The following COL24A1 variants were observed in gnomAD, a reference collection of about 807,000 sequenced individuals.
COL24A1 encodes collagen type XXIV alpha 1 chain.
COL24A1 carries 224 observed loss-of-function variants against 253.9 expected under a neutral mutation model. The ratio of observed to expected loss-of-function variants is 0.88; its 90% CI spans 0.79 to 0.99. COL24A1 has a LOEUF of 0.99. COL24A1 is among the 50% of genes least tolerant of loss of function. COL24A1 has a pLI of 0.00. For missense variants in COL24A1, 2,131 were observed against 2,068.5 expected (o/e 1.03, Z -0.59); for synonymous variants, 685 against 673.7 (o/e 1.02, Z -0.26).
chr1:85,835,985 T>C (rs529409322), intron 43 of COL24A1, among the ~76,000 whole-genome samples: 1 of 152,312 alleles, frequency 6.6e-6, no homozygotes, highest in African/African-American at 2.4e-5. Flanking sequence ...TGTCTCCCTA[T>C]ACCTGGAGGA....
intron 1 of COL24A1, among the ~76,000 whole-genome samples, chr1:86,146,939 TACCTCCAAAATG>T (rs1480185048): frequency 6.6e-6 from 1 of 152,132 alleles, no homozygotes; most frequent in Admixed American, 6.5e-5. Flanking sequence ...TGGCTGTATC[TACCTCCAAAATG>T]AAAATTACAG....
chr1:85,887,103 G>GA (rs2102715614), intron 32 of COL24A1, among the ~76,000 whole-genome samples: 1 of 152,262 alleles, frequency 6.6e-6, no homozygotes, highest in Admixed American at 6.5e-5. Context: ...AGAGTAGCTA[G>GA]AAAATAATAT....
intron 55 of COL24A1, among the ~76,000 whole-genome samples, chr1:85,756,104 C>T (rs1252696352): frequency 7.3e-6 from 1 of 136,458 alleles, no homozygotes; most frequent in Non-Finnish European, 1.6e-5. Flanking sequence ...AAAAAATGGG[C>T]AAATAACTTG....
At chr1:86,083,360 T>C (rs1702817373) in intron 7 of COL24A1, among the ~76,000 whole-genome samples, 1 of 151,442 alleles carries the variant, frequency 6.6e-6, no homozygotes, top group African/African-American at 2.4e-5. Flanking sequence ...ATATCATATA[T>C]ATAGTTGATA....
intron 55 of COL24A1, among the ~76,000 whole-genome samples, chr1:85,757,596 A>C (rs1276115141): frequency 1.3e-5 from 2 of 152,160 alleles, no homozygotes; most frequent in African/African-American, 4.8e-5. Flanking sequence ...AGGTATTAGA[A>C]AGAAAAGAAA....
chr1:85,807,285 C>T (rs1172210454), intron 47 of COL24A1, among the ~76,000 whole-genome samples: 7 of 152,140 alleles, frequency 4.6e-5, no homozygotes, highest in South Asian at 2.1e-4. Flanking sequence ...TTATTGCAAT[C>T]GAATCAGCTA....
intron 37 of COL24A1, among the ~76,000 whole-genome samples, chr1:85,862,104 T>C (rs931973389): frequency 1.3e-5 from 2 of 152,208 alleles, no homozygotes; most frequent in African/African-American, 2.4e-5. Context: ...TTTCTACCCA[T>C]AATCAGTTAT....
At chr1:86,015,754 T>C (rs1696929428) in intron 19 of COL24A1, among the ~76,000 whole-genome samples, 1 of 152,198 alleles carries the variant, frequency 6.6e-6, no homozygotes. Flanking sequence ...CTTATACTAA[T>C]CTGAAGTTTT....
At chr1:85,907,657 C>T (rs1684969247) in intron 27 of COL24A1, among the ~76,000 whole-genome samples, 1 of 151,730 alleles carries the variant, frequency 6.6e-6, no homozygotes, top group Non-Finnish European at 1.5e-5. Flanking sequence ...TATGCCAATC[C>T]CATCACATAA....
intron 24 of COL24A1, among the ~76,000 whole-genome samples, chr1:85,930,117 A>G (rs1254804348): frequency 7.7e-4 from 55 of 71,668 alleles, no homozygotes; most frequent in African/African-American, 2.9e-3. Flanking sequence ...GACACAAAAA[A>G]CCCTTCAAAA....
chr1:86,112,926 G>C (rs1023436037), intron 4 of COL24A1, among the ~76,000 whole-genome samples: 1 of 152,006 alleles, frequency 6.6e-6, no homozygotes, highest in African/African-American at 2.4e-5. Flanking sequence ...TATTGCCTCA[G>C]GACATTTCTT....
intron 47 of COL24A1, among the ~76,000 whole-genome samples, chr1:85,804,504 G>T (rs1671759197): frequency 6.6e-6 from 1 of 152,128 alleles, no homozygotes; most frequent in African/African-American, 2.4e-5. Context: ...CTGAGACTGG[G>T]CAATTTACAA....
chr1:85,775,756 G>A (rs368488549), intron 52 of COL24A1, 47 bp from the exon 53 acceptor site: 132 of 1,478,812 alleles, frequency 8.9e-5, no homozygotes, highest in Middle Eastern at 1.8e-4. Flanking sequence ...TGATAGTTAC[G>A]TATTAAATGT....
At chr1:86,035,318 G>A (rs1420340746) in intron 12 of COL24A1, among the ~76,000 whole-genome samples, 2 of 152,124 alleles carry the variant, frequency 1.3e-5, no homozygotes, top group Non-Finnish European at 2.9e-5. Flanking sequence ...TTCAGTATGA[G>A]CTAACATGGA....
chr1:86,118,771 G>C (rs1330565407), intron 3 of COL24A1, among the ~76,000 whole-genome samples: 1 of 152,120 alleles, frequency 6.6e-6, no homozygotes, highest in Non-Finnish European at 1.5e-5. Context: ...AGACCTAAAA[G>C]ATTAATGGGA....
At chr1:85,972,911 G>A (rs1692316087) in intron 20 of COL24A1, among the ~76,000 whole-genome samples, 1 of 152,158 alleles carries the variant, frequency 6.6e-6, no homozygotes, top group Admixed American at 6.5e-5. Flanking sequence ...GGAGAGAGTT[G>A]GAGTGACTGG....
intron 22 of COL24A1, among the ~76,000 whole-genome samples, chr1:85,969,310 G>C (rs1314776874): frequency 6.6e-6 from 1 of 151,942 alleles, no homozygotes; most frequent in Non-Finnish European, 1.5e-5. Context: ...AGCATTTTAA[G>C]AACCAGTACT....
intron 4 of COL24A1, 81 bp downstream of exon 4, chr1:86,115,244 C>T (rs930948385): frequency 3.6e-6 from 5 of 1,406,934 alleles, no homozygotes; most frequent in Admixed American, 3.8e-5. Flanking sequence ...AAAGGAAGTA[C>T]ATACTGTACA....
intron 31 of COL24A1, among the ~76,000 whole-genome samples, chr1:85,891,884 G>T (rs1683166636): frequency 1.3e-5 from 2 of 152,148 alleles, no homozygotes; most frequent in African/African-American, 4.8e-5. Context: ...TGGGGATAAA[G>T]AGGAAAAGCA....
Sources: gnomAD v4.1 joint callset for allele counts (sites outside exome capture counted in the v4.1 genomes callset) on GRCh38, gnomAD v4.1.1 for gene constraint, MANE v1.5 for transcripts, NCBI Gene and HGNC (gene_info 2026-07-23, HGNC 2026-07-21) for gene names.